The following ANKS1A variants were observed in gnomAD, a reference collection of about 807,000 sequenced individuals.
The protein encoded by ANKS1A is ankyrin repeat and sterile alpha motif domain containing 1A, also known as ankyrin repeat and SAM domain-containing protein 1A.
A neutral mutation model predicts 120.3 loss-of-function variants in ANKS1A; 55 were observed. The observed-to-expected ratio is 0.46, with a 90% CI of 0.37 to 0.57. The LOEUF (loss-of-function observed/expected upper bound fraction) is 0.57. Ranked by LOEUF, ANKS1A falls within the 20% of genes least tolerant of loss-of-function variation. The pLI, the probability that ANKS1A is intolerant of heterozygous loss-of-function variation, is 0.00. For synonymous variants in ANKS1A, 590 were observed against 604.7 expected (o/e 0.98, Z 0.36); for missense variants, 1,123 against 1,480.3 (o/e 0.76, Z 3.96).
chr6:35,022,235 A>G (rs1217167273), intron 11 of ANKS1A, among the ~76,000 whole-genome samples: 1 of 152,220 alleles, frequency 6.6e-6, no homozygotes, highest in Non-Finnish European at 1.5e-5. Flanking sequence ...GAGGTTGGAG[A>G]GAAATCTACA....
intron 1 of ANKS1A, among the ~76,000 whole-genome samples, chr6:34,956,840 T>C (rs1021308355): frequency 2.0e-5 from 3 of 152,154 alleles, no homozygotes; most frequent in African/African-American, 7.2e-5. Flanking sequence ...AAATCAACCC[T>C]CTCCTGTGCA....
chr6:34,914,476 G>A (rs1182612011), intron 1 of ANKS1A, among the ~76,000 whole-genome samples: 3 of 152,116 alleles, frequency 2.0e-5, no homozygotes, highest in South Asian at 2.1e-4. Flanking sequence ...TTTTCAGGAC[G>A]ACATTGTTCA....
At chr6:35,004,577 G>A (rs1017518936) in intron 10 of ANKS1A, among the ~76,000 whole-genome samples, 1 of 152,064 alleles carries the variant, frequency 6.6e-6, no homozygotes, top group African/African-American at 2.4e-5. Flanking sequence ...AAATGTTAAG[G>A]TTCTTCTCAC....
chr6:35,048,577 A>G (rs1425235714), intron 11 of ANKS1A, among the ~76,000 whole-genome samples: 2 of 152,132 alleles, frequency 1.3e-5, no homozygotes, highest in East Asian at 1.9e-4. Context: ...GCCATGCGCA[A>G]TTCAGTCTGG....
intron 3 of ANKS1A, among the ~76,000 whole-genome samples, chr6:34,975,369 G>A (rs547362375): frequency 4.6e-5 from 7 of 151,652 alleles, no homozygotes; most frequent in South Asian, 2.1e-4. Flanking sequence ...CAGGAGAATC[G>A]CTTGAACCCA....
At chr6:34,899,028 A>G (rs1355897882) in intron 1 of ANKS1A, among the ~76,000 whole-genome samples, 1 of 152,220 alleles carries the variant, frequency 6.6e-6, no homozygotes, top group East Asian at 1.9e-4. Flanking sequence ...TGTAGTTTCA[A>G]CATTCAGCCA....
Position 34,903,887 on chromosome 6 carries a change from C to T in ANKS1A, c.197+14288C>T, listed in dbSNP as rs146507201. ...TTGCCCAGGCTGGAATGCAATGGCA[C>T]GATATTAGCTCATTGTAGCCTTGAA... is the stretch of plus-strand genomic sequence containing the variant. On this transcript the variant is annotated intron_variant, in intron 1 of 23. Transcript: ENST00000360359. 2.8e-4 allele frequency among the ~76,000 whole-genome samples: 42 copies of T among 152,242 alleles called. No homozygotes were observed. In the East Asian group the frequency reaches 4.1e-3, roughly 15 times the overall value.
At chr6:34,894,858 A>G (rs973591573) in intron 1 of ANKS1A, among the ~76,000 whole-genome samples, 1 of 152,214 alleles carries the variant, frequency 6.6e-6, no homozygotes, top group African/African-American at 2.4e-5. Context: ...TTTTATGCTT[A>G]ATTTCTCAAG....
intron 8 of ANKS1A, among the ~76,000 whole-genome samples, chr6:34,986,561 G>A (rs1468835034): frequency 2.0e-5 from 3 of 152,184 alleles, no homozygotes; most frequent in African/African-American, 7.2e-5. Flanking sequence ...TCTGGCTTGT[G>A]ACCATTTTGA....
chr6:35,078,922 C>T (rs918093791), intron 14 of ANKS1A, among the ~76,000 whole-genome samples: 1 of 152,204 alleles, frequency 6.6e-6, no homozygotes, highest in African/African-American at 2.4e-5. Context: ...TGGGGGTCTG[C>T]CTGGCCCAGG....
At chr6:35,006,512 T>G (rs1773466528) in intron 10 of ANKS1A, among the ~76,000 whole-genome samples, 1 of 151,218 alleles carries the variant, frequency 6.6e-6, no homozygotes, top group Admixed American at 6.6e-5. Context: ...CCCAGCACTT[T>G]GGGAGGCCGA....
intron 1 of ANKS1A, among the ~76,000 whole-genome samples, chr6:34,911,237 G>A (rs1767893752): frequency 6.6e-6 from 1 of 152,224 alleles, no homozygotes; most frequent in Non-Finnish European, 1.5e-5. Flanking sequence ...GTGGGAATTA[G>A]TGGTATGAAA....
intron 13 of ANKS1A, among the ~76,000 whole-genome samples, chr6:35,069,752 T>TGTG (rs1412450860): frequency 2.0e-5 from 3 of 151,484 alleles, no homozygotes; most frequent in Non-Finnish European, 4.4e-5. Context: ...TCAGTCCGGG[T>TGTG]GTGGTGGCTC....
At chr6:34,896,757 G>C (rs1288689795) in intron 1 of ANKS1A, among the ~76,000 whole-genome samples, 1 of 152,196 alleles carries the variant, frequency 6.6e-6, no homozygotes, top group Admixed American at 6.5e-5. Flanking sequence ...CTGAGGTCAG[G>C]AGTTAGAGAC....
intron 20 of ANKS1A, among the ~76,000 whole-genome samples, chr6:35,083,792 G>A (rs1045382227): frequency 6.6e-6 from 1 of 152,118 alleles, no homozygotes; most frequent in Admixed American, 6.5e-5. Flanking sequence ...CGTGAGCAAA[G>A]GACTTTCTCT....
chr6:34,891,907 G>A (rs561335076), intron 1 of ANKS1A, among the ~76,000 whole-genome samples: 33 of 152,200 alleles, frequency 2.2e-4, no homozygotes, highest in Non-Finnish European at 3.1e-4. Flanking sequence ...GATTACAGGC[G>A]TGAGCCACCT....
chr6:35,037,934 G>T (rs1775263898), intron 11 of ANKS1A, among the ~76,000 whole-genome samples: 1 of 152,078 alleles, frequency 6.6e-6, no homozygotes, highest in African/African-American at 2.4e-5. Context: ...AGGGTACTGT[G>T]AAAATAGACT....
chr6:34,991,514 C>CA (rs1437014540), intron 9 of ANKS1A, among the ~76,000 whole-genome samples: 1 of 145,378 alleles, frequency 6.9e-6, no homozygotes, highest in African/African-American at 2.5e-5. Flanking sequence ...ATGTTGCTTT[C>CA]CACATAGCCG....
At chr6:35,027,384 C>G (rs1774684063) in intron 11 of ANKS1A, among the ~76,000 whole-genome samples, 1 of 152,250 alleles carries the variant, frequency 6.6e-6, no homozygotes, top group East Asian at 1.9e-4. Context: ...TGCTGGTGGC[C>G]TCAGACATTC....
Sources: allele counts gnomAD v4.1 joint callset (sites outside exome capture counted in the v4.1 genomes callset), GRCh38; gene constraint gnomAD v4.1.1; transcripts MANE v1.5; gene names NCBI Gene and HGNC (gene_info 2026-07-23, HGNC 2026-07-21).